The following ALK variants were observed in gnomAD, a reference collection of about 807,000 sequenced individuals.
ALK encodes ALK receptor tyrosine kinase.
Under a neutral mutation model 163.1 loss-of-function variants are expected in ALK, and 74 were observed. The observed-to-expected ratio is 0.45, with a 90% CI of 0.38 to 0.55. The LOEUF (loss-of-function observed/expected upper bound fraction) is 0.55, where lower values mean the gene tolerates loss of function less well. Ranked by LOEUF, ALK falls within the 20% of genes least tolerant of loss-of-function variation. The probability of loss-of-function intolerance (pLI) is 0.00; values close to 1 mark genes in which losing one functional copy is unlikely to be tolerated. For synonymous variants in ALK, 960 were observed against 843.2 expected, an observed-to-expected ratio of 1.14 and a Z score of -2.40; for missense variants, 2,063 against 2,105.3, an observed-to-expected ratio of 0.98 and a Z score of 0.39.
intron 5 of ALK, among the ~76,000 whole-genome samples, chr2:29,362,563 G>C (rs893188304): frequency 6.6e-6 from 1 of 152,192 alleles, no homozygotes; most frequent in African/African-American, 2.4e-5. Context: ...GAGCTGGATG[G>C]ATCCCAGGAG....
chr2:29,748,266 C>T (rs2148329240), intron 1 of ALK, among the ~76,000 whole-genome samples: 1 of 152,258 alleles, frequency 6.6e-6, no homozygotes, highest in South Asian at 2.1e-4. Context: ...ACCCATGGGA[C>T]ACTAGTACTT....
intron 1 of ALK, among the ~76,000 whole-genome samples, chr2:29,881,259 G>T (rs1179242849): frequency 6.6e-6 from 1 of 152,212 alleles, no homozygotes; most frequent in African/African-American, 2.4e-5. Flanking sequence ...GAACGCTGAA[G>T]GAAGCAGCAG....
intron 23 of ALK, among the ~76,000 whole-genome samples, chr2:29,216,900 G>C (rs111206627): frequency 1.5e-5 from 2 of 131,996 alleles, no homozygotes; most frequent in Admixed American, 1.5e-4. Flanking sequence ...TTGGTTGTGA[G>C]TATATGTGGT....
intron 1 of ALK, among the ~76,000 whole-genome samples, chr2:29,823,165 G>T (rs986800539): frequency 3.3e-5 from 5 of 152,212 alleles, no homozygotes; most frequent in African/African-American, 1.2e-4. Context: ...TTTTTTGCCT[G>T]CTGCCACCCA....
At chr2:29,595,108 A>G (rs1573486110) in intron 3 of ALK, among the ~76,000 whole-genome samples, 1 of 152,186 alleles carries the variant, frequency 6.6e-6, no homozygotes, top group East Asian at 1.9e-4. Context: ...TTGTGATGCC[A>G]AGTAGACGAA....
At chr2:29,225,401 GAC>G in intron 19 of ALK, 58 bp downstream of exon 19, 2 of 1,416,980 alleles carry the variant, frequency 1.4e-6, no homozygotes, top group Non-Finnish European at 2.0e-6. Context: ...CACAGCCTGA[GAC>G]ACTATTCAGT....
rs150529474 is a variant in ALK, at chr2:29,386,193, C to G, written c.1155-2334G>C. 3.6e-3 allele frequency among the ~76,000 whole-genome samples: 552 copies of G among 152,346 alleles called. 2 individuals are homozygous for G. Among genetic ancestry groups the G allele is most frequent in the African/African-American group, 0.013 (535 of 41,582 alleles). ...GGTAGTCTTCTTCCCTATCTTTTCT[C>G]TCTGTAGTTAATTCAGGTCACTGAA... On this transcript the variant is annotated intron_variant, in intron 4 of 28. Transcript: ENST00000389048.
At chr2:29,884,269 T>C (rs1044872722) in intron 1 of ALK, among the ~76,000 whole-genome samples, 1 of 152,210 alleles carries the variant, frequency 6.6e-6, no homozygotes, top group Non-Finnish European at 1.5e-5. Flanking sequence ...TCATGTTTAG[T>C]GCAATACTGT....
At chr2:29,312,263 G>T (rs1445599346) in intron 8 of ALK, among the ~76,000 whole-genome samples, 3 of 152,150 alleles carry the variant, frequency 2.0e-5, no homozygotes, top group African/African-American at 7.2e-5. Flanking sequence ...CCATTTTTAA[G>T]CACCTAATTG....
intron 5 of ALK, among the ~76,000 whole-genome samples, chr2:29,340,638 T>C (rs966974729): frequency 2.6e-5 from 4 of 152,232 alleles, no homozygotes; most frequent in Non-Finnish European, 5.9e-5. Flanking sequence ...TTCTAGGTCC[T>C]GTACTCAAGG....
At chr2:29,324,051 C>G (rs1424008962) in intron 6 of ALK, among the ~76,000 whole-genome samples, 7 of 152,246 alleles carry the variant, frequency 4.6e-5, no homozygotes, top group Non-Finnish European at 1.0e-4. Flanking sequence ...CCCCTAGTGA[C>G]TCCTGTGCAC....
intron 26 of ALK, among the ~76,000 whole-genome samples, chr2:29,205,432 C>T (rs997062122): frequency 4.6e-5 from 7 of 151,326 alleles, no homozygotes; most frequent in Non-Finnish European, 8.8e-5. Flanking sequence ...AACCAACCAA[C>T]CAAACAACCA....
chr2:29,209,840 C>T lies in ALK; in HGVS notation c.3782G>A (p.Gly1261Asp), dbSNP rs1669416575. 6.2e-7 allele frequency: 1 copy of T among 1,614,112 alleles called. No homozygotes were observed. Among genetic ancestry groups the T allele is most frequent in the Non-Finnish European group, 8.5e-7 (1 of 1,180,014 alleles). Reference sequence around the variant, plus strand: ...TCCAATCTTGGCCACTCTTCCAGGGCCTGGACAGGTCAAGAGGCAGTTTCT... The same window carrying T: ...TCCAATCTTGGCCACTCTTCCAGGGTCTGGACAGGTCAAGAGGCAGTTTCT... Reference protein sequence around the residue: ...AARNCLLTCPGPGRVAKIGDF... With the variant: ...AARNCLLTCPDPGRVAKIGDF... Residue 1261 changes from glycine (G) to aspartate (D), a missense_variant, in exon 25 of 29, where the codon GGC (glycine) becomes GAC (aspartate). By Grantham distance (94) the Gly-to-Asp change is moderately conservative. This residue lies in a region of ALK where 83 missense variants were observed against 139.7 expected (regional missense o/e 0.59). Coordinates refer to ENST00000389048, the MANE Select transcript of ALK (RefSeq NM_004304.5).
At chr2:29,651,817 C>T (rs993362067) in intron 3 of ALK, among the ~76,000 whole-genome samples, 1 of 152,130 alleles carries the variant, frequency 6.6e-6, no homozygotes, top group Non-Finnish European at 1.5e-5. Context: ...TAGCTCTCTC[C>T]TTGCATTGCA....
intron 1 of ALK, among the ~76,000 whole-genome samples, chr2:29,798,233 T>A (rs1329601654): frequency 6.6e-6 from 1 of 152,216 alleles, no homozygotes; most frequent in Non-Finnish European, 1.5e-5. Context: ...TTTGTGTGTG[T>A]GAGAGAGGGA....
At chr2:29,446,541 C>T (rs952834218) in intron 4 of ALK, among the ~76,000 whole-genome samples, 15 of 152,190 alleles carry the variant, frequency 9.9e-5, no homozygotes, top group African/African-American at 3.6e-4. Flanking sequence ...TGTCTATTGA[C>T]CCCTGGATAC....
At chr2:29,526,475 G>T (rs1672963457) in intron 4 of ALK, among the ~76,000 whole-genome samples, 1 of 152,092 alleles carries the variant, frequency 6.6e-6, no homozygotes, top group African/African-American at 2.4e-5. Context: ...CCTTTGAATG[G>T]CTCTCTCTTT....
intron 1 of ALK, among the ~76,000 whole-genome samples, chr2:29,734,558 C>T (rs138875173): frequency 6.6e-6 from 1 of 152,192 alleles, no homozygotes; most frequent in Non-Finnish European, 1.5e-5. Flanking sequence ...TGAGCAACCT[C>T]TTCCCCCATG....
intron 5 of ALK, among the ~76,000 whole-genome samples, chr2:29,375,882 T>G (rs558950554): frequency 5.9e-5 from 9 of 152,164 alleles, no homozygotes; most frequent in Admixed American, 2.0e-4. Flanking sequence ...CACTGCCATC[T>G]TGGACAAGCA....
Sources: gnomAD v4.1 joint callset for allele counts (sites outside exome capture counted in the v4.1 genomes callset) on GRCh38, gnomAD v4.1.1 for gene constraint, gnomAD v4.1.1 regional missense constraint, MANE v1.5 for transcripts, NCBI Gene and HGNC (gene_info 2026-07-23, HGNC 2026-07-21) for gene names.